Variants in ARFGEF3 observed in about 807,000 individuals in gnomAD.
The protein encoded by ARFGEF3 is ARFGEF family member 3, also known as brefeldin A-inhibited guanine nucleotide-exchange protein 3.
A neutral mutation model predicts 221.7 loss-of-function variants in ARFGEF3; 96 were observed. The ratio of observed to expected loss-of-function variants is 0.43; its 90% CI spans 0.37 to 0.51. The LOEUF (loss-of-function observed/expected upper bound fraction) is 0.51. Ranked by LOEUF, ARFGEF3 falls within the 20% of genes least tolerant of loss-of-function variation. The pLI is 0.00. For synonymous variants in ARFGEF3, 1,145 were observed against 1,126.8 expected (o/e 1.02, Z -0.32); for missense variants, 2,410 against 2,789.9 (o/e 0.86, Z 3.07).
chr6:138,306,314 A>C (rs1779722703), intron 22 of ARFGEF3, among the ~76,000 whole-genome samples: 1 of 152,206 alleles, frequency 6.6e-6, no homozygotes, highest in African/African-American at 2.4e-5. Flanking sequence ...AAATTAAAGA[A>C]GATTCAAATA....
intron 1 of ARFGEF3, among the ~76,000 whole-genome samples, chr6:138,169,968 A>G (rs77035468): frequency 0.027 from 4,109 of 152,322 alleles, 79 homozygotes; most frequent in African/African-American, 0.054. Flanking sequence ...GAAAGGGGTC[A>G]ACACAATTTC....
At chr6:138,243,021 A>G (rs1312961414) in intron 7 of ARFGEF3, 27 bp downstream of exon 7, 7 of 1,594,236 alleles carry the variant, frequency 4.4e-6, no homozygotes, top group Non-Finnish European at 6.0e-6. Flanking sequence ...GTACTAGTTC[A>G]GTTTTTAAAG....
rs1245730274 is a variant in ARFGEF3 at position 138,162,627 on chromosome 6, G to C, written c.85+456G>C. 1.3e-5 allele frequency among the ~76,000 whole-genome samples: 2 copies of C among 152,212 alleles called. No individual in the cohort carries two copies. Among genetic ancestry groups the C allele is most frequent in the Non-Finnish European group, 2.9e-5 (2 of 68,038 alleles). ...AATTTGATTTTCCTGATAGAGGTCA[G>C]CTTGCTTAGTGTTAGCTTTCCTGGT... On this transcript the variant is annotated intron_variant, in intron 1 of 33. Coordinates refer to ENST00000251691, the MANE Select transcript of ARFGEF3 (RefSeq NM_020340.5). This position sits in a 1 kb window ranked among gnomAD's most constrained non-coding sequence, Gnocchi z 4.7.
rs970813748 is a variant in ARFGEF3, at chr6:138,162,867, G to T, written c.85+696G>T. 6.6e-6 allele frequency among the ~76,000 whole-genome samples: 1 copy of T among 152,194 alleles called. No individual in the cohort carries two copies. The highest frequency in any genetic ancestry group is 1.5e-5 in the Non-Finnish European group (1 of 68,032). ...GACATTTCAGTTAGGCGGGGTTTGG[G>T]CAATCAAAATGGTCAGGATGGTAAT... On this transcript the variant is annotated intron_variant, in intron 1 of 33. Transcript: ENST00000251691. This position sits in a 1 kb window ranked among gnomAD's most constrained non-coding sequence, Gnocchi z 4.7.
chr6:138,231,662 AT>A (rs1778194344), intron 5 of ARFGEF3, among the ~76,000 whole-genome samples: 1 of 152,188 alleles, frequency 6.6e-6, no homozygotes, highest in Non-Finnish European at 1.5e-5. Context: ...AAAATAAACC[AT>A]TTAAAACTCC....
intron 26 of ARFGEF3, 58 bp downstream of exon 26, chr6:138,313,997 T>G: frequency 6.4e-7 from 1 of 1,564,906 alleles, no homozygotes; most frequent in Non-Finnish European, 8.7e-7. Context: ...TCCCAGAAGC[T>G]TAAGTCATAA....
intron 2 of ARFGEF3, among the ~76,000 whole-genome samples, chr6:138,191,992 C>T (rs551669445): frequency 3.9e-5 from 6 of 152,270 alleles, no homozygotes; most frequent in South Asian, 2.1e-4. Context: ...ATTTGTTGAG[C>T]GTGTACAATG....
chr6:138,286,216 C>T (rs760614916), intron 15 of ARFGEF3, among the ~76,000 whole-genome samples, 163 bp downstream of exon 15: 8 of 152,078 alleles, frequency 5.3e-5, no homozygotes, highest in Non-Finnish European at 1.2e-4. Context: ...TTTGGGAGGC[C>T]GAGGCGGGCA....
At chr6:138,243,533 T>C (rs1778430371) in intron 7 of ARFGEF3, among the ~76,000 whole-genome samples, 2 of 152,228 alleles carry the variant, frequency 1.3e-5, no homozygotes, top group Non-Finnish European at 2.9e-5. Flanking sequence ...CATATATAAT[T>C]AACCAGCAAT....
intron 12 of ARFGEF3, among the ~76,000 whole-genome samples, chr6:138,264,358 A>G (rs1222833418): frequency 6.6e-6 from 1 of 152,158 alleles, no homozygotes; most frequent in East Asian, 1.9e-4. Flanking sequence ...ACAGAAAGAA[A>G]TAAATTAATG....
chr6:138,168,234 G>A (rs1776757971), intron 1 of ARFGEF3, among the ~76,000 whole-genome samples: 1 of 152,192 alleles, frequency 6.6e-6, no homozygotes, highest in African/African-American at 2.4e-5. Flanking sequence ...AGCAAAGAGA[G>A]TGATAAGAGC....
At chr6:138,287,285 G>A in intron 17 of ARFGEF3, 101 bp downstream of exon 17, 1 of 846,428 alleles carries the variant, frequency 1.2e-6, no homozygotes, top group East Asian at 2.7e-5. Flanking sequence ...CCTGTTCTGT[G>A]TGTGATGCCC....
intron 12 of ARFGEF3, among the ~76,000 whole-genome samples, chr6:138,273,866 A>G (rs1779047587): frequency 6.6e-6 from 1 of 152,250 alleles, no homozygotes; most frequent in Non-Finnish European, 1.5e-5. Context: ...TAGCAAGAAA[A>G]TGGCTGTTTT....
At chr6:138,330,958 T>G (rs1780217307) in intron 32 of ARFGEF3, among the ~76,000 whole-genome samples, 1 of 152,252 alleles carries the variant, frequency 6.6e-6, no homozygotes, top group African/African-American at 2.4e-5. Context: ...TACCAAAGAT[T>G]GTGCAATCCT....
At chr6:138,266,241 CAAAAG>C (rs1208141476) in intron 12 of ARFGEF3, among the ~76,000 whole-genome samples, 1 of 142,486 alleles carries the variant, frequency 7.0e-6, no homozygotes, top group Non-Finnish European at 1.5e-5. Context: ...AGAGAAGAAA[CAAAAG>C]AAAGAGAAAG....
At chr6:138,282,440 G>A (rs905522314) in intron 14 of ARFGEF3, among the ~76,000 whole-genome samples, 1 of 152,210 alleles carries the variant, frequency 6.6e-6, no homozygotes, top group African/African-American at 2.4e-5. Context: ...GTTGTCCAAA[G>A]GGCATGTTAT....
chr6:138,333,521 A>G (rs1049481679), intron 32 of ARFGEF3, among the ~76,000 whole-genome samples: 1 of 152,066 alleles, frequency 6.6e-6, no homozygotes, highest in Non-Finnish European at 1.5e-5. Context: ...AGCTCACTGC[A>G]AGCTCCACCT....
chr6:138,245,704 T>C, intron 8 of ARFGEF3, 113 bp downstream of exon 8: 1 of 819,118 alleles, frequency 1.2e-6, no homozygotes, highest in South Asian at 1.5e-5. Context: ...GACAATAGTT[T>C]CCCCCCTCCA....
chr6:138,284,974 G>A (rs1039760643), intron 14 of ARFGEF3, among the ~76,000 whole-genome samples: 2 of 152,116 alleles, frequency 1.3e-5, no homozygotes, highest in African/African-American at 2.4e-5. Context: ...TAGAAAAGGT[G>A]CAATAAAAGT....
Sources: allele counts gnomAD v4.1 joint callset (sites outside exome capture counted in the v4.1 genomes callset), GRCh38; gene constraint gnomAD v4.1.1; non-coding constraint Gnocchi (gnomAD v3.1); transcripts MANE v1.5; gene names NCBI Gene and HGNC (gene_info 2026-07-23, HGNC 2026-07-21).